VPS25: variants seen among roughly 807,000 people sequenced by gnomAD.
The protein encoded by VPS25 is vacuolar protein sorting 25 homolog.
VPS25 carries 21 observed loss-of-function variants against 30.3 expected under a neutral mutation model. That is an observed-to-expected ratio of 0.69 (90% CI 0.49 to 1.00). The LOEUF (loss-of-function observed/expected upper bound fraction) is 1.00, where lower values mean the gene tolerates loss of function less well. VPS25 is among the 50% of genes least tolerant of loss of function. The pLI is 0.00. For synonymous variants in VPS25, 101 were observed against 88.1 expected (o/e 1.15, Z -0.82); for missense variants, 156 against 217.2 (o/e 0.72, Z 1.77).
chr17:42,774,285 A>G (rs192903405), intron 2 of VPS25: 129 of 279,016 alleles, frequency 4.6e-4, no homozygotes, highest in African/African-American at 2.7e-3. Flanking sequence ...TTCATCCCTA[A>G]AATATCTGTG....
At chr17:42,778,193 G>T (rs921857345) in intron 5 of VPS25, among the ~76,000 whole-genome samples, 31 of 148,568 alleles carry the variant, frequency 2.1e-4, no homozygotes, top group South Asian at 4.3e-4. Context: ...AATTTTTTTG[G>T]TTTTTTTTTT....
rs1177773681 is a variant in VPS25, at chr17:42,776,661, C to CTTT, written c.418+342_418+343insTTT. 1.3e-4 allele frequency among the ~76,000 whole-genome samples: 18 copies of CTTT among 142,210 alleles called. 2 individuals are homozygous for CTTT. Among genetic ancestry groups the CTTT allele is most frequent in the Admixed American group, 2.1e-4 (3 of 14,118 alleles). 93.3% of individuals were successfully genotyped at this position (142,210 alleles called of 152,430 possible). Reference sequence around the variant, plus strand: ...AGAGGCGTGAGCCACTGTGCCCCGCCTGTTTTTTTTTTTTTTTTTTTGAGA... The same window carrying CTTT: ...AGAGGCGTGAGCCACTGTGCCCCGCCTTTTGTTTTTTTTTTTTTTTTTTTGAGA... On this transcript the variant is annotated intron_variant, in intron 5 of 5. Transcript: ENST00000253794.
rs947511356 is a variant in VPS25, at chr17:42,779,067, T to C, written c.529T>C (p.Ter177GlnextTer31). Residue 177 changes from the stop codon to glutamine (Q), a stop_lost, in exon 6 of 6, where the codon TAG becomes CAG. Coordinates refer to ENST00000253794, the MANE Select transcript of VPS25 (RefSeq NM_032353.4). The stretch of plus-strand genomic sequence containing the variant: ...CGATGGCCGAGGCGTCAAGTTCTTC[T>C]AGCAGGGACCTGTCTCCCTTTACTT... ...VSDGRGVKFF[*>Q] 1 of 1,613,612 alleles carries C rather than the reference T, an allele frequency of 6.2e-7. No homozygotes were observed. The highest frequency in any genetic ancestry group is 8.5e-7 in the Non-Finnish European group (1 of 1,179,706).
intron 5 of VPS25, among the ~76,000 whole-genome samples, chr17:42,777,343 C>T (rs529897578): frequency 1.3e-4 from 20 of 152,172 alleles, no homozygotes; most frequent in Non-Finnish European, 1.2e-4. Flanking sequence ...AGTGAAACCC[C>T]GTCTCTACTA....
At chr17:42,774,798 C>T in intron 3 of VPS25, 99 bp downstream of exon 3, 2 of 1,129,222 alleles carry the variant, frequency 1.8e-6, no homozygotes, top group Non-Finnish European at 1.3e-6. Context: ...CTTTTTCTCT[C>T]TCCTGGCTTG....
chr17:42,773,733 G>T lies in VPS25; in HGVS notation c.54G>T (p.Thr18=). 1 of 1,613,932 alleles carries T rather than the reference G, an allele frequency of 6.2e-7. No homozygotes were observed. Among genetic ancestry groups the T allele is most frequent in the Non-Finnish European group, 8.5e-7 (1 of 1,179,910 alleles). ...GCGCCCCACTCCCTTCACCCGGCAG[G>T]TTACAACCGAATGTGGACACTCGGC... ...PWQYRFPPFF[T]LQPNVDTRQK... Residue 18 remains threonine, a splice_region_variant and synonymous_variant, in exon 2 of 6, where the codon ACG becomes ACT. Coordinates refer to ENST00000253794, the MANE Select transcript of VPS25 (RefSeq NM_032353.4).
Position 42,779,347 on chromosome 17 carries a change from C to T in VPS25, c.*278C>T, listed in dbSNP as rs2054456122. ...CTTGAGCCAGGGTCTGTAAACCTGACACTTTATATGTGTTCACACATGTAA... is the reference window on the plus strand; with the variant it reads ...CTTGAGCCAGGGTCTGTAAACCTGATACTTTATATGTGTTCACACATGTAA... On this transcript the variant is annotated 3_prime_UTR_variant, in exon 6 of 6. Transcript: ENST00000253794. The T allele has an allele frequency of 1.3e-5, 5 of 396,456 alleles. No individual in the cohort carries two copies. The highest frequency in any genetic ancestry group is 2.1e-5 in the African/African-American group (1 of 48,530). 24.6% of individuals were successfully genotyped at this position (396,456 alleles called of 1,614,324 possible). A position where few individuals can be genotyped will look rare whatever the true frequency, so the allele number is the denominator to read the frequency against.
rs368883736 is a variant in VPS25 at position 42,774,717 on chromosome 17, G to T, written c.253+18G>T. On this transcript the variant is annotated intron_variant, in intron 3 of 5. Transcript: ENST00000253794. Reference sequence around the variant, plus strand: ...GAAGAAAGGTGGGTTCAGTTCCCCAGATTCCTTATTTTTCTTCCTAGTTGG... The same window carrying T: ...GAAGAAAGGTGGGTTCAGTTCCCCATATTCCTTATTTTTCTTCCTAGTTGG... 5.0e-6 allele frequency: 8 copies of T among 1,608,538 alleles called. No individual in the cohort carries two copies. The highest frequency in any genetic ancestry group is 1.3e-5 in the African/African-American group (1 of 74,808).
rs781012987 is a variant in VPS25 at position 42,779,050 on chromosome 17, G to A, written c.512G>A (p.Arg171Gln). Residue 171 changes from arginine to glutamine, a missense_variant, in exon 6 of 6, where the codon CGA (arginine) becomes CAA (glutamine). Transcript: ENST00000253794. ...GAGATCATCACTGTCAGCGATGGCCGAGGCGTCAAGTTCTTCTAGCAGGGA... is the reference window on the plus strand; with the variant it reads ...GAGATCATCACTGTCAGCGATGGCCAAGGCGTCAAGTTCTTCTAGCAGGGA... ...KAEIITVSDG[R>Q]GVKFF is the part of the protein sequence containing the mutation. 9 of 1,613,888 alleles carry A rather than the reference G, an allele frequency of 5.6e-6. No individual in the cohort carries two copies. Among genetic ancestry groups the A allele is most frequent in the Non-Finnish European group, 7.6e-6 (9 of 1,179,850 alleles).
chr17:42,775,865 G>C (rs2054432773), intron 4 of VPS25, among the ~76,000 whole-genome samples: 5 of 152,214 alleles, frequency 3.3e-5, no homozygotes, highest in African/African-American at 1.2e-4. Context: ...ATCAGTGTGG[G>C]TGTGGGGACA....
intron 4 of VPS25, 89 bp downstream of exon 4, chr17:42,775,558 A>T: frequency 9.1e-7 from 1 of 1,096,396 alleles, no homozygotes; most frequent in Non-Finnish European, 1.3e-6. Context: ...GTGTTCCCAG[A>T]TCCAGACTGA....
At chr17:42,774,374 T>C in intron 2 of VPS25, 2 of 156,612 alleles carry the variant, frequency 1.3e-5, no homozygotes, top group Non-Finnish European at 2.4e-5. Context: ...CTTTCTTTCT[T>C]TTTTTTTTTT....
chr17:42,774,173 C>T lies in VPS25; in HGVS notation c.199+295C>T, dbSNP rs1597889283. 13 of 314,224 alleles carry T rather than the reference C, an allele frequency of 4.1e-5. 1 individual carries two copies. In the East Asian group the frequency reaches 7.4e-4, roughly 18 times the overall value. 19.5% of individuals were successfully genotyped at this position (314,224 alleles called of 1,614,324 possible). ...AACCCTTTTGACTATTTGTATCTTCCATCCTTTTCTGTGTGAGGCCCAGAC... is the reference window on the plus strand; with the variant it reads ...AACCCTTTTGACTATTTGTATCTTCTATCCTTTTCTGTGTGAGGCCCAGAC... On this transcript the variant is annotated intron_variant, in intron 2 of 5. Transcript: ENST00000253794.
chr17:42,775,329 AGTGT>A (rs1443201377), intron 3 of VPS25, 48 bp from the exon 4 acceptor site: 1 of 1,488,056 alleles, frequency 6.7e-7, no homozygotes, highest in Non-Finnish European at 9.3e-7. Context: ...GGCCTCCCAA[AGTGT>A]AAGCCACTGC....
rs756981692 is a variant in VPS25, at chr17:42,779,043, G to A, written c.505G>A (p.Asp169Asn). The change falls in exon 6 of 6, where the codon GAT becomes AAT. Residue 169 changes from aspartate to asparagine, a missense_variant. Coordinates refer to ENST00000253794, the MANE Select transcript of VPS25 (RefSeq NM_032353.4). ...CAAGGCCGAGATCATCACTGTCAGC[G>A]ATGGCCGAGGCGTCAAGTTCTTCTA... is the stretch of plus-strand genomic sequence containing the variant. ...EHKAEIITVSDGRGVKFF is the reference protein window; with the variant it reads ...EHKAEIITVSNGRGVKFF 1.3e-5 allele frequency: 21 copies of A among 1,613,916 alleles called. No individual in the cohort carries two copies. The East Asian group carries it at 1.6e-4, about 12-fold the overall frequency.
At position 42,779,278 on chromosome 17, in the gene VPS25, A is replaced by G. The variant is rs1340402083; in HGVS notation, c.*209A>G. The G allele has an allele frequency of 7.5e-6, 4 of 530,910 alleles. No homozygotes were observed. The highest frequency in any genetic ancestry group is 1.4e-5 in the Non-Finnish European group (4 of 292,508). The allele number at this position is 530,910 out of a possible 1,614,324, so 32.9% of individuals were successfully genotyped here. On this transcript the variant is annotated 3_prime_UTR_variant, in exon 6 of 6. Coordinates refer to ENST00000253794, the MANE Select transcript of VPS25 (RefSeq NM_032353.4). ...GAGGCTGAAGCACCAGGGAGAAAAT[A>G]TGTGCTTCTTCTCGCCCTACCTCCT...
In VPS25 at chr17:42,775,848, A is replaced by G. The variant is rs1264392711; in HGVS notation, c.342+379A>G. Among the ~76,000 whole-genome samples, 3 of 152,208 alleles carry G rather than the reference A, an allele frequency of 2.0e-5. No individual in the cohort carries two copies. The East Asian group carries it at 5.8e-4, about 29-fold the overall frequency. On this transcript the variant is annotated intron_variant, in intron 4 of 5. Transcript: ENST00000253794. Reference sequence around the variant, plus strand: ...GGACTGTCCACAACATGAATGAGATATTCTGAATCAGTGTGGGTGTGGGGA... The same window carrying G: ...GGACTGTCCACAACATGAATGAGATGTTCTGAATCAGTGTGGGTGTGGGGA...
In VPS25 at chr17:42,779,127, G is replaced by T. The variant is rs2054454047; in HGVS notation, c.*58G>T. 1 of 1,486,620 alleles carries T rather than the reference G, an allele frequency of 6.7e-7. No homozygotes were observed. The highest frequency in any genetic ancestry group is 9.2e-7 in the Non-Finnish European group (1 of 1,081,842). The allele number at this position is 1,486,620 out of a possible 1,614,324, so 92.1% of individuals were successfully genotyped here. ...CACCTTTCCAGGGCTTTCAAAAGGAGACAGACCCAGTGTCCCCCAAAGACT... is the reference window on the plus strand; with the variant it reads ...CACCTTTCCAGGGCTTTCAAAAGGATACAGACCCAGTGTCCCCCAAAGACT... On this transcript the variant is annotated 3_prime_UTR_variant, in exon 6 of 6. Coordinates refer to ENST00000253794, the MANE Select transcript of VPS25 (RefSeq NM_032353.4).
At chr17:42,778,162 T>G (rs1207516705) in intron 5 of VPS25, among the ~76,000 whole-genome samples, 2 of 151,634 alleles carry the variant, frequency 1.3e-5, no homozygotes, top group African/African-American at 2.4e-5. Flanking sequence ...CTCCACATAC[T>G]CAGCTAGCCA....
Sources: gnomAD v4.1 joint callset for allele counts (sites outside exome capture counted in the v4.1 genomes callset) on GRCh38, gnomAD v4.1.1 for gene constraint, MANE v1.5 for transcripts, NCBI Gene and HGNC (gene_info 2026-07-23, HGNC 2026-07-21) for gene names.